The following CEP350 variants were observed in gnomAD, a reference collection of about 807,000 sequenced individuals.
CEP350 encodes centrosomal protein 350.
Under a neutral mutation model 331.8 loss-of-function variants are expected in CEP350, and 126 were observed. The observed-to-expected ratio is 0.38, with a 90% CI of 0.33 to 0.44. CEP350 has a LOEUF of 0.44. Ranked by LOEUF, CEP350 falls within the 20% of genes least tolerant of loss-of-function variation. The pLI is 1.00. For missense variants in CEP350, 3,406 were observed against 3,634.6 expected (o/e 0.94, Z 1.62); for synonymous variants, 1,200 against 1,259.5 (o/e 0.95, Z 1.00).
At chr1:180,075,382 T>C (rs1299229155) in intron 28 of CEP350, among the ~76,000 whole-genome samples, 161 bp downstream of exon 28, 2 of 151,434 alleles carry the variant, frequency 1.3e-5, no homozygotes, top group Non-Finnish European at 2.9e-5. Flanking sequence ...AGGCCAGGAG[T>C]TCAAGACCAG....
intron 24 of CEP350, 110 bp from the exon 25 acceptor site, chr1:180,054,305 G>A: frequency 1.1e-6 from 1 of 915,716 alleles, no homozygotes; most frequent in East Asian, 2.7e-5. Flanking sequence ...TTTCACATTT[G>A]AAAATGTTAA....
chr1:179,958,075 A>G (rs1650310293), intron 1 of CEP350, among the ~76,000 whole-genome samples: 1 of 152,218 alleles, frequency 6.6e-6, no homozygotes, highest in African/African-American at 2.4e-5. Context: ...ACATTTGTTT[A>G]ATATGTCAGA....
intron 17 of CEP350, among the ~76,000 whole-genome samples, chr1:180,040,026 A>T (rs1446505837): frequency 6.6e-6 from 1 of 151,910 alleles, no homozygotes; most frequent in African/African-American, 2.4e-5. Context: ...TTTGATGCTA[A>T]AATTTTTTTT....
In CEP350 at chr1:180,006,533, A is replaced by G; in HGVS notation, c.1212A>G (p.Lys404=). The change falls in exon 8 of 38, where the codon AAA becomes AAG. Residue 404 remains lysine, a synonymous_variant. Coordinates refer to ENST00000367607, the MANE Select transcript of CEP350 (RefSeq NM_014810.5). ...KVVKPVRKVQ[K]VAQLSSTECR... is the part of the protein sequence containing the mutation. ...TCAAGCCAGTACGAAAAGTCCAAAA[A>G]GTAGCACAGTTATCAAGTACAGAAT... is the stretch of plus-strand genomic sequence containing the variant. The G allele has an allele frequency of 6.4e-7, 1 of 1,551,252 alleles. No individual in the cohort carries two copies. Among genetic ancestry groups the G allele is most frequent in the Non-Finnish European group, 8.7e-7 (1 of 1,144,110 alleles).
intron 5 of CEP350, among the ~76,000 whole-genome samples, chr1:179,996,244 T>A (rs1217195576): frequency 2.0e-5 from 3 of 152,306 alleles, no homozygotes; most frequent in Admixed American, 6.5e-5. Flanking sequence ...ATTTTTTGGT[T>A]TCTAATGCTA....
chr1:180,031,423 T>C lies in CEP350; in HGVS notation c.3654T>C (p.Leu1218=), dbSNP rs1224205603. ...AGAAATCTGGGACCAGCAGCAAACT[T>C]TCTGTTAAAGATTTTGAGCAGACTC... ...QGKKSGTSSK[L]SVKDFEQTLD... Residue 1218 remains leucine, a synonymous_variant, in exon 15 of 38, where the codon CTT becomes CTC. Coordinates refer to ENST00000367607, the MANE Select transcript of CEP350 (RefSeq NM_014810.5). 6.2e-7 allele frequency: 1 copy of C among 1,604,316 alleles called. No homozygotes were observed. The highest frequency in any genetic ancestry group is 1.7e-5 in the Admixed American group (1 of 59,126).
chr1:180,012,559 A>G (rs991489589), intron 9 of CEP350, among the ~76,000 whole-genome samples: 2 of 152,228 alleles, frequency 1.3e-5, no homozygotes, highest in African/African-American at 2.4e-5. Flanking sequence ...CCTCAAGTCC[A>G]CTGTTTTTCT....
intron 32 of CEP350, among the ~76,000 whole-genome samples, chr1:180,089,463 A>C (rs1233912782): frequency 6.6e-6 from 1 of 152,008 alleles, no homozygotes; most frequent in Non-Finnish European, 1.5e-5. Context: ...TGCGACTGTA[A>C]TCCCAGCTAC....
At position 180,095,670 on chromosome 1, in the gene CEP350, C is replaced by G. The variant is rs58130305; in HGVS notation, c.8659C>G (p.Gln2887Glu). 1.7e-4 allele frequency: 271 copies of G among 1,613,580 alleles called. No individual in the cohort carries two copies. The highest frequency in any genetic ancestry group is 1.4e-3 in the East Asian group (62 of 44,868). Reference protein sequence around the residue: ...DFGLSSSHKIQKNKAEETIVP... With the variant: ...DFGLSSSHKIEKNKAEETIVP... ...TGGTTTGAGCTCTTCTCACAAGATC[C>G]AAAAAAATAAGGCAGAAGAAACCAT... The change falls in exon 35 of 38, where the codon CAA becomes GAA. Residue 2887 changes from glutamine (Q) to glutamate (E), a missense_variant. This residue lies in a region of CEP350 where 1,415 missense variants were observed against 1,512.3 expected (regional missense o/e 0.94). Transcript: ENST00000367607.
intron 9 of CEP350, among the ~76,000 whole-genome samples, chr1:180,013,241 T>G (rs1257978936): frequency 1.3e-5 from 2 of 152,198 alleles, no homozygotes; most frequent in African/African-American, 4.8e-5. Context: ...ACAGGAAATA[T>G]AAAGTTTCAG....
intron 27 of CEP350, chr1:180,073,981 T>C (rs1320917209): frequency 1.6e-6 from 2 of 1,238,642 alleles, no homozygotes; most frequent in Admixed American, 2.5e-5. Context: ...TTGTTTGCTT[T>C]TCTCTCTCTC....
chr1:180,004,880 TTGCTTGCTTGCTTGCTTGCTTG>T (rs1558092906), intron 7 of CEP350, among the ~76,000 whole-genome samples: 371 of 72,644 alleles, frequency 5.1e-3, no homozygotes, highest in South Asian at 0.022. Context: ...GCTGGCTTGC[TTGCTTGCTTGCTTGCTTGCTTG>T]CTTGCTTTCT....
intron 22 of CEP350, among the ~76,000 whole-genome samples, chr1:180,052,475 T>G (rs1657573491): frequency 6.6e-6 from 1 of 151,986 alleles, no homozygotes; most frequent in African/African-American, 2.4e-5. Context: ...GGAAGAAGTA[T>G]TCAATAAAAA....
chr1:180,093,850 G>C lies in CEP350; in HGVS notation c.7745G>C (p.Cys2582Ser). The change falls in exon 34 of 38, where the codon TGT becomes TCT. Residue 2582 changes from cysteine (C) to serine (S), a missense_variant. Cys to Ser is a moderately radical substitution (Grantham distance 112). Transcript: ENST00000367607. Reference sequence around the variant, plus strand: ...GTAGACATTAATGAAGATGAAGACTGTTACTCAGATGAACGATATCAGTGC... The same window carrying C: ...GTAGACATTAATGAAGATGAAGACTCTTACTCAGATGAACGATATCAGTGC... ...DYVDINEDED[C>S]YSDERYQCYN... is the part of the protein sequence containing the mutation. 6.2e-7 allele frequency: 1 copy of C among 1,613,830 alleles called. No homozygotes were observed. Among genetic ancestry groups the C allele is most frequent in the Admixed American group, 1.7e-5 (1 of 60,010 alleles).
At chr1:180,059,566 G>T (rs972775693) in intron 25 of CEP350, among the ~76,000 whole-genome samples, 1 of 150,540 alleles carries the variant, frequency 6.6e-6, no homozygotes. Flanking sequence ...ATCTTTGCTC[G>T]ATACCAGAAT....
Position 179,996,589 on chromosome 1 carries a change from C to T in CEP350, c.432C>T (p.Ser144=). ...GTGCACCTTCCAATTTCAGTTCCAG[C>T]CATCTGGAATCAAAGCACGTATACT... ...IHGAPSNFSS[S]HLESKHVYCV... is the part of the protein sequence containing the mutation. Residue 144 remains serine, a synonymous_variant, in exon 6 of 38, where the codon AGC becomes AGT. Coordinates refer to ENST00000367607, the MANE Select transcript of CEP350 (RefSeq NM_014810.5). 1 of 1,582,844 alleles carries T rather than the reference C, an allele frequency of 6.3e-7. No homozygotes were observed. Among genetic ancestry groups the T allele is most frequent in the Non-Finnish European group, 8.6e-7 (1 of 1,162,794 alleles).
intron 26 of CEP350, among the ~76,000 whole-genome samples, chr1:180,063,374 A>T (rs1466217061): frequency 6.6e-6 from 1 of 151,400 alleles, no homozygotes; most frequent in East Asian, 2.0e-4. Context: ...TGTATTTTTT[A>T]TAGAGATGGA....
chr1:179,982,325 G>T (rs1652332730), intron 1 of CEP350, among the ~76,000 whole-genome samples: 3 of 151,988 alleles, frequency 2.0e-5, no homozygotes, highest in Non-Finnish European at 1.5e-5. Context: ...CTTGTTTCTG[G>T]CATTCTTCAC....
At chr1:180,021,374 C>T (rs1291665022) in intron 12 of CEP350, among the ~76,000 whole-genome samples, 1 of 152,118 alleles carries the variant, frequency 6.6e-6, no homozygotes, top group African/African-American at 2.4e-5. Flanking sequence ...TAAGTATAAA[C>T]CAGGCGCGGT....
Sources: allele counts gnomAD v4.1 joint callset (sites outside exome capture counted in the v4.1 genomes callset), GRCh38; gene constraint gnomAD v4.1.1; regional missense constraint gnomAD v4.1.1; transcripts MANE v1.5; gene names NCBI Gene and HGNC (gene_info 2026-07-23, HGNC 2026-07-21).